CDK14: variants seen among roughly 807,000 people sequenced by gnomAD.
CDK14 encodes cyclin-dependent kinase 14.
In CDK14, 34 loss-of-function variants were observed where a neutral mutation model predicts 60.7. That is an observed-to-expected ratio of 0.56 (90% CI 0.43 to 0.75). The LOEUF is 0.75. CDK14 is among the 30% of genes least tolerant of loss of function. The probability of loss-of-function intolerance (pLI) is 0.00; values close to 1 mark genes in which losing one functional copy is unlikely to be tolerated. For missense variants in CDK14, 482 were observed against 564.1 expected (o/e 0.85, Z 1.47); for synonymous variants, 197 against 203.7 (o/e 0.97, Z 0.28).
chr7:91,190,039 T>C (rs1802309889), intron 14 of CDK14, among the ~76,000 whole-genome samples: 1 of 152,218 alleles, frequency 6.6e-6, no homozygotes, highest in Admixed American at 6.5e-5. Context: ...TACATTGCAG[T>C]TTTTGTCCAA....
chr7:90,860,465 T>G (rs923035401), intron 5 of CDK14, among the ~76,000 whole-genome samples: 3 of 151,966 alleles, frequency 2.0e-5, no homozygotes, highest in African/African-American at 4.8e-5. Context: ...AATCTAAAAT[T>G]TCTTTAAGAT....
rs572394848 is a variant in CDK14, at chr7:90,707,025, G to A, written c.124-19542G>A. Among the ~76,000 whole-genome samples, 6 of 152,074 alleles carry A rather than the reference G, an allele frequency of 3.9e-5. No homozygotes were observed. The South Asian group carries it at 1.0e-3, about 26-fold the overall frequency. ...CTGAGGGCACTGCCCCCAATAAATT[G>A]TAAGATCTGGGCCCAGCTCTGTTTC... On this transcript the variant is annotated intron_variant, in intron 2 of 14. Coordinates refer to ENST00000380050, the MANE Select transcript of CDK14 (RefSeq NM_001287135.2).
chr7:91,083,931 G>C (rs978703240), intron 12 of CDK14, among the ~76,000 whole-genome samples: 1 of 152,196 alleles, frequency 6.6e-6, no homozygotes, highest in Admixed American at 6.5e-5. Context: ...ATATGAAACG[G>C]ACATAGTCAA....
intron 14 of CDK14, among the ~76,000 whole-genome samples, chr7:91,188,972 T>A (rs1378103737): frequency 1.3e-5 from 2 of 152,220 alleles, no homozygotes; most frequent in African/African-American, 2.4e-5. Context: ...ATGTGTCTTA[T>A]GTGTTTGTAA....
At chr7:91,043,975 G>T (rs1474439495) in intron 10 of CDK14, among the ~76,000 whole-genome samples, 2 of 152,124 alleles carry the variant, frequency 1.3e-5, no homozygotes, top group Non-Finnish European at 2.9e-5. Context: ...TTGCCTAGTA[G>T]TGCCTACAAA....
intron 2 of CDK14, among the ~76,000 whole-genome samples, chr7:90,633,509 A>G (rs1800053618): frequency 6.6e-6 from 1 of 152,202 alleles, no homozygotes; most frequent in Non-Finnish European, 1.5e-5. Flanking sequence ...ATTAATACAA[A>G]TGGAATCACC....
At chr7:90,656,024 C>T (rs1800744526) in intron 2 of CDK14, among the ~76,000 whole-genome samples, 1 of 152,134 alleles carries the variant, frequency 6.6e-6, no homozygotes, top group South Asian at 2.1e-4. Flanking sequence ...GGTGGATTAG[C>T]CCATGTTTTT....
chr7:90,747,772 G>A lies in CDK14; in HGVS notation c.461G>A (p.Ser154Asn). Residue 154 changes from serine (S) to asparagine (N), a missense_variant, in exon 4 of 15, where the codon AGC becomes AAC. Coordinates refer to ENST00000380050, the MANE Select transcript of CDK14 (RefSeq NM_001287135.2). ...GSYATVYKGKSKVNGKLVALK... is the reference protein window; with the variant it reads ...GSYATVYKGKNKVNGKLVALK... ...TATGCTACAGTATACAAAGGGAAAA[G>A]CAAGTAAGTTCATTATTTTTGGAAT... is the stretch of plus-strand genomic sequence containing the variant. 2 of 1,539,322 alleles carry A rather than the reference G, an allele frequency of 1.3e-6. No homozygotes were observed. Among genetic ancestry groups the A allele is most frequent in the East Asian group, 2.4e-5 (1 of 41,082 alleles).
intron 10 of CDK14, among the ~76,000 whole-genome samples, chr7:90,997,428 G>C (rs879357272): frequency 6.6e-6 from 1 of 152,292 alleles, no homozygotes; most frequent in Non-Finnish European, 1.5e-5. Context: ...AAAAATTAAA[G>C]ATGGTTTTCC....
intron 14 of CDK14, among the ~76,000 whole-genome samples, chr7:91,132,724 T>C (rs1028765519): frequency 2.0e-5 from 3 of 152,112 alleles, no homozygotes; most frequent in African/African-American, 7.2e-5. Context: ...TCTCCTTCTA[T>C]TCATCCTCCA....
chr7:91,154,874 G>A (rs912101261), intron 14 of CDK14, among the ~76,000 whole-genome samples: 2 of 152,146 alleles, frequency 1.3e-5, no homozygotes, highest in Non-Finnish European at 1.5e-5. Flanking sequence ...TGACTAATTG[G>A]CTATATAGGC....
chr7:90,712,744 G>A (rs905199072), intron 2 of CDK14, among the ~76,000 whole-genome samples: 3 of 152,196 alleles, frequency 2.0e-5, no homozygotes, highest in Non-Finnish European at 2.9e-5. Flanking sequence ...GCTGATAGCA[G>A]CATTCAGCTG....
chr7:90,969,802 C>T (rs1184987302), intron 9 of CDK14, among the ~76,000 whole-genome samples: 2 of 151,792 alleles, frequency 1.3e-5, no homozygotes, highest in African/African-American at 2.4e-5. Flanking sequence ...TTACAGTAGT[C>T]CTCGGTGAAG....
At chr7:90,767,252 G>A (rs1017382803) in intron 4 of CDK14, among the ~76,000 whole-genome samples, 1 of 152,186 alleles carries the variant, frequency 6.6e-6, no homozygotes, top group African/African-American at 2.4e-5. Context: ...GAGTCATGCA[G>A]GCCTGGATGT....
At chr7:91,131,970 C>G (rs1800130959) in intron 14 of CDK14, among the ~76,000 whole-genome samples, 1 of 151,140 alleles carries the variant, frequency 6.6e-6, no homozygotes, top group South Asian at 2.1e-4. Context: ...TCACCATACA[C>G]CAATCTCTTG....
chr7:90,659,900 TGCAC>T (rs1306998202), intron 2 of CDK14, among the ~76,000 whole-genome samples: 3 of 149,602 alleles, frequency 2.0e-5, no homozygotes, highest in Non-Finnish European at 4.5e-5. Flanking sequence ...TGTGTGTGTG[TGCAC>T]GCACGTGCTC....
chr7:90,717,938 C>A (rs140015419), intron 2 of CDK14, among the ~76,000 whole-genome samples: 1 of 151,912 alleles, frequency 6.6e-6, no homozygotes, highest in Non-Finnish European at 1.5e-5. Flanking sequence ...GAGCTCCCCC[C>A]ACCCCACCAA....
rs566727134 is a variant in CDK14, at chr7:90,688,121, G to C, written c.124-38446G>C. Among the ~76,000 whole-genome samples, 15 of 152,258 alleles carry C rather than the reference G, an allele frequency of 9.9e-5. No individual in the cohort carries two copies. In the East Asian group the frequency reaches 2.1e-3, roughly 22 times the overall value. On this transcript the variant is annotated intron_variant, in intron 2 of 14. Coordinates refer to ENST00000380050, the MANE Select transcript of CDK14 (RefSeq NM_001287135.2). ...GCTAAGGCTCTAAGGGAAGTATTAG[G>C]GGGGAAGTTCAAGAGATCCAGGTTG...
At chr7:90,827,150 C>G (rs1329095798) in intron 5 of CDK14, among the ~76,000 whole-genome samples, 2 of 150,998 alleles carry the variant, frequency 1.3e-5, no homozygotes, top group Non-Finnish European at 3.0e-5. Flanking sequence ...ACTCATGTTT[C>G]TGTCTTAATG....
Sources: gnomAD v4.1 joint callset for allele counts (sites outside exome capture counted in the v4.1 genomes callset) on GRCh38, gnomAD v4.1.1 for gene constraint, MANE v1.5 for transcripts, NCBI Gene and HGNC (gene_info 2026-07-23, HGNC 2026-07-21) for gene names.